Variants in PCSK2 observed in about 807,000 individuals in gnomAD.
PCSK2 encodes the protein neuroendocrine convertase 2.
A neutral mutation model predicts 69.7 loss-of-function variants in PCSK2; 14 were observed. The ratio of observed to expected loss-of-function variants is 0.20; its 90% CI spans 0.13 to 0.31. PCSK2 has a LOEUF of 0.31. Ranked by LOEUF, PCSK2 falls within the 10% of genes least tolerant of loss-of-function variation. The pLI, the probability that PCSK2 is intolerant of heterozygous loss-of-function variation, is 1.00. For missense variants in PCSK2, 544 were observed against 842.5 expected (o/e 0.65, Z 4.39); for synonymous variants, 307 against 320.7 (o/e 0.96, Z 0.46).
intron 8 of PCSK2, among the ~76,000 whole-genome samples, chr20:17,451,188 A>G (rs1031998086): frequency 6.6e-6 from 1 of 152,262 alleles, no homozygotes; most frequent in Non-Finnish European, 1.5e-5. Context: ...TTAAAACAAA[A>G]TTAACGTTTG....
intron 2 of PCSK2, among the ~76,000 whole-genome samples, chr20:17,334,249 C>T (rs1450494874): frequency 6.6e-6 from 1 of 152,044 alleles, no homozygotes; most frequent in Non-Finnish European, 1.5e-5. Flanking sequence ...GTAGGAATAA[C>T]GCCTCTCACT....
intron 1 of PCSK2, among the ~76,000 whole-genome samples, chr20:17,253,148 T>C (rs1330740592): frequency 1.3e-5 from 2 of 152,194 alleles, no homozygotes; most frequent in Admixed American, 6.5e-5. Context: ...CTCTCATCTA[T>C]ACAAACAGTG....
intron 6 of PCSK2, among the ~76,000 whole-genome samples, chr20:17,413,718 A>G (rs2031932248): frequency 6.6e-6 from 1 of 152,214 alleles, no homozygotes; most frequent in Admixed American, 6.5e-5. Flanking sequence ...CCCCAAATCA[A>G]CAGAATATAC....
chr20:17,446,511 C>T (rs565508033), intron 8 of PCSK2, among the ~76,000 whole-genome samples: 2 of 152,182 alleles, frequency 1.3e-5, no homozygotes, highest in African/African-American at 2.4e-5. Context: ...GAGGCCTGGT[C>T]ATGGGCTCAG....
At chr20:17,399,759 G>T (rs1190973402) in intron 5 of PCSK2, among the ~76,000 whole-genome samples, 1 of 152,160 alleles carries the variant, frequency 6.6e-6, no homozygotes, top group Non-Finnish European at 1.5e-5. Flanking sequence ...TTGTCAAGCT[G>T]TACTCAGAAA....
intron 5 of PCSK2, among the ~76,000 whole-genome samples, chr20:17,371,392 A>G (rs549373003): frequency 2.2e-4 from 33 of 152,268 alleles, no homozygotes; most frequent in African/African-American, 7.5e-4. Context: ...CAAAACCTTC[A>G]TCTGAAATTG....
At chr20:17,281,807 C>T (rs558161575) in intron 2 of PCSK2, among the ~76,000 whole-genome samples, 1 of 152,196 alleles carries the variant, frequency 6.6e-6, no homozygotes, top group Admixed American at 6.5e-5. Context: ...TCTGAACCCT[C>T]TGGAAAGTGC....
chr20:17,358,751 T>A (rs1025135296), intron 3 of PCSK2, among the ~76,000 whole-genome samples: 1 of 152,076 alleles, frequency 6.6e-6, no homozygotes, highest in African/African-American at 2.4e-5. Flanking sequence ...TATATAAAAG[T>A]CAAATCAGAG....
intron 2 of PCSK2, among the ~76,000 whole-genome samples, chr20:17,295,833 T>C (rs954020106): frequency 5.3e-5 from 8 of 152,166 alleles, no homozygotes; most frequent in Non-Finnish European, 2.9e-5. Context: ...TGGGATTACA[T>C]GTGTGAGCCA....
chr20:17,230,772 T>G (rs1028712681), intron 1 of PCSK2, among the ~76,000 whole-genome samples: 2 of 152,258 alleles, frequency 1.3e-5, no homozygotes, highest in African/African-American at 4.8e-5. Flanking sequence ...AATATTTAAT[T>G]GTTTGTCAAT....
chr20:17,303,808 C>T (rs8118255), intron 2 of PCSK2, among the ~76,000 whole-genome samples: 1,505 of 148,404 alleles, frequency 0.01, 25 homozygotes, highest in African/African-American at 0.034. Flanking sequence ...AACTCCTGAC[C>T]TCAGGTGATC....
chr20:17,452,720 A>T (rs994264284), intron 8 of PCSK2, among the ~76,000 whole-genome samples: 11 of 152,044 alleles, frequency 7.2e-5, no homozygotes, highest in African/African-American at 2.7e-4. Flanking sequence ...ACTCCTATCC[A>T]CCCTCCCAGC....
intron 2 of PCSK2, among the ~76,000 whole-genome samples, chr20:17,296,996 A>G (rs1988916232): frequency 6.6e-6 from 1 of 152,208 alleles, no homozygotes; most frequent in Admixed American, 6.5e-5. Context: ...CCCTTTATAT[A>G]TTTATTTTTA....
At chr20:17,449,981 T>C (rs2032787604) in intron 8 of PCSK2, among the ~76,000 whole-genome samples, 1 of 148,506 alleles carries the variant, frequency 6.7e-6, no homozygotes, top group South Asian at 2.1e-4. Flanking sequence ...AGCACTTCCT[T>C]AGCTTTTTTT....
chr20:17,378,367 A>G (rs2030988817), intron 5 of PCSK2, among the ~76,000 whole-genome samples: 1 of 152,184 alleles, frequency 6.6e-6, no homozygotes, highest in South Asian at 2.1e-4. Context: ...GCTTCCACCT[A>G]GAAGCCTAGA....
At chr20:17,297,226 T>C (rs1169167294) in intron 2 of PCSK2, among the ~76,000 whole-genome samples, 1 of 152,230 alleles carries the variant, frequency 6.6e-6, no homozygotes, top group Non-Finnish European at 1.5e-5. Context: ...CAGAGAGCGA[T>C]ACAGAACAGT....
At chr20:17,438,868 A>G (rs1322853600) in intron 8 of PCSK2, among the ~76,000 whole-genome samples, 1 of 152,210 alleles carries the variant, frequency 6.6e-6, no homozygotes, top group Non-Finnish European at 1.5e-5. Context: ...GCCAAGGGAA[A>G]GCTTTACCCA....
intron 5 of PCSK2, among the ~76,000 whole-genome samples, chr20:17,402,747 G>A (rs1303554237): frequency 6.6e-6 from 1 of 151,492 alleles, no homozygotes; most frequent in Non-Finnish European, 1.5e-5. Flanking sequence ...GAGGTTAGGA[G>A]ATCAAGACCA....
At chr20:17,437,859 A>G (rs1214264873) in intron 8 of PCSK2, among the ~76,000 whole-genome samples, 1 of 152,238 alleles carries the variant, frequency 6.6e-6, no homozygotes, top group Non-Finnish European at 1.5e-5. Context: ...TTGAGCATCC[A>G]TTACCAAACT....
Sources: allele counts gnomAD v4.1 joint callset (sites outside exome capture counted in the v4.1 genomes callset), GRCh38; gene constraint gnomAD v4.1.1; transcripts MANE v1.5; gene names NCBI Gene and HGNC (gene_info 2026-07-23, HGNC 2026-07-21).